COBLL1: variants seen among roughly 807,000 people sequenced by gnomAD.
COBLL1 encodes the protein cordon-bleu WH2 repeat protein like 1, also known as cordon-bleu protein-like 1.
A neutral mutation model predicts 94.8 loss-of-function variants in COBLL1; 50 were observed. That is an observed-to-expected ratio of 0.53 (90% CI 0.42 to 0.67). The LOEUF is 0.67. Among genes scored for constraint, COBLL1 ranks in the 30% least tolerant of loss-of-function variants. The pLI is 0.00. For synonymous variants in COBLL1, 448 were observed against 473.8 expected (o/e 0.95, Z 0.71); for missense variants, 1,362 against 1,348.7 (o/e 1.01, Z -0.15).
chr2:164,751,304 G>T (rs918740094), intron 2 of COBLL1, among the ~76,000 whole-genome samples: 1 of 152,018 alleles, frequency 6.6e-6, no homozygotes, highest in African/African-American at 2.4e-5. Context: ...AAAATTCCTG[G>T]AGGGCTGGGA....
At chr2:164,693,884 T>A (rs1170236136) in intron 12 of COBLL1, among the ~76,000 whole-genome samples, 3 of 152,142 alleles carry the variant, frequency 2.0e-5, no homozygotes, top group African/African-American at 7.2e-5. Flanking sequence ...TTAAGACTAT[T>A]TCCTTTACTA....
intron 11 of COBLL1, among the ~76,000 whole-genome samples, chr2:164,698,852 A>G (rs1684088422): frequency 6.6e-6 from 1 of 152,016 alleles, no homozygotes; most frequent in Non-Finnish European, 1.5e-5. Context: ...ACATGAATAT[A>G]TGCCTTATGA....
intron 11 of COBLL1, among the ~76,000 whole-genome samples, chr2:164,698,777 T>C (rs896317553): frequency 1.3e-5 from 2 of 151,872 alleles, no homozygotes. Flanking sequence ...AAACATGAAA[T>C]GATATGATTT....
In COBLL1 at chr2:164,722,323, T is replaced by A. The variant is rs781324748; in HGVS notation, c.760-12A>T. ...GGGGCACTTGCAGTCTAGTAAAGAA[T>A]GACAAAGACAAAATCTAGTAATTTC... On this transcript the variant is annotated splice_polypyrimidine_tract_variant and intron_variant, in intron 6 of 13. Transcript: ENST00000652658. 4.4e-6 allele frequency: 7 copies of A among 1,600,380 alleles called. No individual in the cohort carries two copies. In the African/African-American group the frequency reaches 9.4e-5, roughly 22 times the overall value.
intron 2 of COBLL1, among the ~76,000 whole-genome samples, chr2:164,778,740 G>A (rs1688593721): frequency 6.6e-6 from 1 of 152,174 alleles, no homozygotes; most frequent in African/African-American, 2.4e-5. Context: ...TGATTAAAAG[G>A]TTAAGACCAG....
intron 2 of COBLL1, among the ~76,000 whole-genome samples, chr2:164,831,222 T>G (rs1422963186): frequency 1.3e-5 from 2 of 152,010 alleles, no homozygotes; most frequent in African/African-American, 4.8e-5. Context: ...CTCGGAAGGT[T>G]GAGACAGGAG....
intron 7 of COBLL1, among the ~76,000 whole-genome samples, chr2:164,717,469 T>C (rs1685225588): frequency 6.6e-6 from 1 of 152,248 alleles, no homozygotes. Context: ...GAAATAAGTA[T>C]GATTCACTTG....
At chr2:164,717,858 C>T in intron 7 of COBLL1, among the ~76,000 whole-genome samples, 1 of 152,152 alleles carries the variant, frequency 6.6e-6, no homozygotes. Context: ...AGCCATCAAG[C>T]CTGGGCTATA....
intron 2 of COBLL1, among the ~76,000 whole-genome samples, chr2:164,784,830 A>C (rs355904): frequency 6.6e-6 from 1 of 151,530 alleles, no homozygotes; most frequent in Non-Finnish European, 1.5e-5. Context: ...ATGTTTTTTT[A>C]AAAACAATTA....
At chr2:164,725,098 C>A (rs1206574731) in intron 5 of COBLL1, 2 of 102,540 alleles carry the variant, frequency 2.0e-5, no homozygotes, top group Admixed American at 1.2e-4. Context: ...ATTTACCCTG[C>A]AGGATATATA....
intron 2 of COBLL1, among the ~76,000 whole-genome samples, chr2:164,823,636 C>T (rs1398264781): frequency 2.0e-5 from 3 of 152,208 alleles, no homozygotes; most frequent in Admixed American, 6.5e-5. Context: ...ACCTAACTTA[C>T]CAACTCATTC....
chr2:164,791,556 T>A (rs1683191490), intron 2 of COBLL1, among the ~76,000 whole-genome samples: 1 of 152,116 alleles, frequency 6.6e-6, no homozygotes, highest in Non-Finnish European at 1.5e-5. Context: ...ATATGGTGGG[T>A]AACCTCCATA....
intron 2 of COBLL1, among the ~76,000 whole-genome samples, chr2:164,814,177 A>T (rs930227040): frequency 2.0e-5 from 3 of 152,166 alleles, no homozygotes; most frequent in Admixed American, 6.6e-5. Context: ...AAGCTGCTTC[A>T]TTTCTCATTG....
Position 164,729,961 on chromosome 2 carries a change from T to C in COBLL1, c.385A>G (p.Lys129Glu). 6.2e-7 allele frequency: 1 copy of C among 1,614,024 alleles called. No individual in the cohort carries two copies. Among genetic ancestry groups the C allele is most frequent in the Non-Finnish European group, 8.5e-7 (1 of 1,179,960 alleles). The change falls in exon 4 of 14, where the codon AAG becomes GAG. Residue 129 changes from lysine to glutamate, a missense_variant. Coordinates refer to ENST00000652658, the MANE Select transcript of COBLL1 (RefSeq NM_001365672.2). The part of the protein sequence containing the change: ...GMLEVEKVIL[K>E]PKMLDKKKPT... Reference sequence around the variant, plus strand: ...TTTTTCTTATCCAACATTTTTGGCTTTAAAATTACCTTCTCTACCTCCAAC... The same window carrying C: ...TTTTTCTTATCCAACATTTTTGGCTCTAAAATTACCTTCTCTACCTCCAAC...
intron 2 of COBLL1, among the ~76,000 whole-genome samples, chr2:164,748,681 T>G (rs1256053909): frequency 1.3e-5 from 2 of 152,154 alleles, no homozygotes; most frequent in Non-Finnish European, 2.9e-5. Flanking sequence ...CAGTCTACTC[T>G]TTAGAGGCTT....
chr2:164,831,754 C>A (rs138551607), intron 2 of COBLL1, among the ~76,000 whole-genome samples: 77 of 152,102 alleles, frequency 5.1e-4, no homozygotes, highest in African/African-American at 1.6e-3. Context: ...AGACAGTGAC[C>A]CTGTCTCTTT....
At chr2:164,754,244 A>G (rs1687280281) in intron 2 of COBLL1, among the ~76,000 whole-genome samples, 1 of 152,198 alleles carries the variant, frequency 6.6e-6, no homozygotes, top group African/African-American at 2.4e-5. Context: ...GTTTAAGGAA[A>G]TACATTTACC....
chr2:164,747,391 T>C (rs1279331762), intron 2 of COBLL1, among the ~76,000 whole-genome samples: 2 of 152,222 alleles, frequency 1.3e-5, no homozygotes, highest in Non-Finnish European at 2.9e-5. Context: ...GTAGTTTGTA[T>C]CTATGATGAA....
chr2:164,818,436 CAT>C (rs1196557838), intron 2 of COBLL1, among the ~76,000 whole-genome samples: 2 of 148,698 alleles, frequency 1.3e-5, no homozygotes, highest in East Asian at 3.9e-4. Flanking sequence ...TGCATGTATA[CAT>C]ATACACATAT....
Sources: allele counts gnomAD v4.1 joint callset (sites outside exome capture counted in the v4.1 genomes callset), GRCh38; gene constraint gnomAD v4.1.1; transcripts MANE v1.5; gene names NCBI Gene and HGNC (gene_info 2026-07-23, HGNC 2026-07-21).